The following SDK2 variants were observed in gnomAD, a reference collection of about 807,000 sequenced individuals.
The protein encoded by SDK2 is protein sidekick-2.
In SDK2, 105 loss-of-function variants were observed where a neutral mutation model predicts 253.9. The observed-to-expected ratio is 0.41, with a 90% CI of 0.35 to 0.49. The LOEUF (loss-of-function observed/expected upper bound fraction) is 0.49. Among genes scored for constraint, SDK2 ranks in the 20% least tolerant of loss-of-function variants. The pLI is 0.06. For missense variants in SDK2, 2,608 were observed against 3,003.0 expected, an observed-to-expected ratio of 0.87 and a Z score of 3.07; for synonymous variants, 1,249 against 1,234.9, an observed-to-expected ratio of 1.01 and a Z score of -0.24.
intron 38 of SDK2, 101 bp downstream of exon 38, chr17:73,365,157 A>T: frequency 1.2e-6 from 1 of 846,268 alleles, no homozygotes; most frequent in South Asian, 2.5e-5. Flanking sequence ...GGAGACTCTC[A>T]CCGAATCTCA....
At position 73,643,977 on chromosome 17, in the gene SDK2, C is replaced by A; in HGVS notation, c.64+48G>T. 1 of 1,200,508 alleles carries A rather than the reference C, an allele frequency of 8.3e-7. No individual in the cohort carries two copies. Among genetic ancestry groups the A allele is most frequent in the Non-Finnish European group, 1.2e-6 (1 of 835,600 alleles). The allele number at this position is 1,200,508 out of a possible 1,614,324, so 74.4% of individuals were successfully genotyped here. A position where few individuals can be genotyped will look rare whatever the true frequency, so the allele number is the denominator to read the frequency against. ...CCAGCTCCCGCCGCCCCTCCCCCGCCCACTCTCCCAGCCCCCTCCCTGTCC... is the reference window on the plus strand; with the variant it reads ...CCAGCTCCCGCCGCCCCTCCCCCGCACACTCTCCCAGCCCCCTCCCTGTCC... On this transcript the variant is annotated intron_variant, in intron 1 of 44. Transcript: ENST00000392650. The surrounding 1 kb of genome is among the most constrained non-coding windows in gnomAD (Gnocchi z 6.9).
At chr17:73,571,680 C>A (rs375164780) in intron 1 of SDK2, among the ~76,000 whole-genome samples, 1 of 152,240 alleles carries the variant, frequency 6.6e-6, no homozygotes, top group African/African-American at 2.4e-5. Context: ...ATGTGCCCAG[C>A]GGGGGCTACG....
intron 32 of SDK2, among the ~76,000 whole-genome samples, chr17:73,384,563 G>T (rs1459170051): frequency 6.6e-6 from 1 of 152,196 alleles, no homozygotes; most frequent in African/African-American, 2.4e-5. Context: ...CTGCAGAACC[G>T]GCTTCGGGAG....
At chr17:73,524,772 GGGATT>G (rs150064808) in intron 1 of SDK2, among the ~76,000 whole-genome samples, 1,690 of 152,338 alleles carry the variant, frequency 0.011, 32 homozygotes, top group African/African-American at 0.038. Context: ...TGTAGACCCT[GGGATT>G]GGAATGCCAA....
rs369000057 is a variant in SDK2 at position 73,455,587 on chromosome 17, G to A, written c.479+319C>T. Among the ~76,000 whole-genome samples the A allele has an allele frequency of 1.3e-5, 2 of 152,200 alleles. No individual in the cohort carries two copies. Among genetic ancestry groups the A allele is most frequent in the Admixed American group, 6.5e-5 (1 of 15,284 alleles). On this transcript the variant is annotated intron_variant, in intron 4 of 44. Transcript: ENST00000392650. The surrounding 1 kb of genome is among the most constrained non-coding windows in gnomAD (Gnocchi z 5.0). ...GCCTGAGTCCTGGGCCTGTAACCAC[G>A]GTGACAGCGCCTTCGTATATGCCTG...
At chr17:73,358,034 G>A (rs1568364296) in intron 40 of SDK2, 45 bp downstream of exon 40, 1 of 1,611,498 alleles carries the variant, frequency 6.2e-7, no homozygotes, top group South Asian at 1.1e-5. Flanking sequence ...AGGAAGAAGG[G>A]AGATAATGAG....
intron 1 of SDK2, chr17:73,519,957 C>T (rs12453319): frequency 0.26 from 40,258 of 152,206 alleles, 6,567 homozygotes; most frequent in South Asian, 0.38. Context: ...TTCAATTTGC[C>T]GTCCATCCTG....
At chr17:73,587,717 C>T (rs1297317171) in intron 1 of SDK2, among the ~76,000 whole-genome samples, 1 of 152,224 alleles carries the variant, frequency 6.6e-6, no homozygotes, top group African/African-American at 2.4e-5. Flanking sequence ...GCAAACAGCC[C>T]TCTTTGTGCC....
intron 1 of SDK2, among the ~76,000 whole-genome samples, chr17:73,611,459 C>G (rs71380188): frequency 0.018 from 2,805 of 152,334 alleles, 46 homozygotes; most frequent in Non-Finnish European, 0.028. Flanking sequence ...CCTCTGTGGC[C>G]CCTCCTTGCT....
chr17:73,603,673 CT>C (rs1376970368), intron 1 of SDK2, among the ~76,000 whole-genome samples: 1 of 152,226 alleles, frequency 6.6e-6, no homozygotes, highest in African/African-American at 2.4e-5. Flanking sequence ...ATAGCTTCTC[CT>C]TAAAGCTACG....
intron 1 of SDK2, among the ~76,000 whole-genome samples, chr17:73,589,244 G>A (rs746280735): frequency 2.6e-5 from 4 of 152,274 alleles, no homozygotes; most frequent in Non-Finnish European, 4.4e-5. Context: ...ATGAATGCAC[G>A]TGAGTGCAGG....
chr17:73,601,602 T>C (rs2143058638), intron 1 of SDK2, among the ~76,000 whole-genome samples: 1 of 152,158 alleles, frequency 6.6e-6, no homozygotes, highest in Non-Finnish European at 1.5e-5. Context: ...GAGTGAGGCA[T>C]CTCTCGGCTA....
At chr17:73,373,028 C>T (rs546250027) in intron 36 of SDK2, among the ~76,000 whole-genome samples, 157 of 152,304 alleles carry the variant, frequency 1.0e-3, no homozygotes, top group African/African-American at 3.7e-3. Context: ...TCCCTATTTC[C>T]CTCACTCCCT....
intron 3 of SDK2, among the ~76,000 whole-genome samples, chr17:73,469,980 C>CTGCGCG (rs796918538): frequency 2.2e-3 from 194 of 87,688 alleles, no homozygotes; most frequent in African/African-American, 6.6e-3. Flanking sequence ...GCATTTGCGA[C>CTGCGCG]TGCGCGCGCG....
rs747535623 is a variant in SDK2 at position 73,338,922 on chromosome 17, C to T, written c.6184G>A (p.Glu2062Lys). 7 of 1,613,844 alleles carry T rather than the reference C, an allele frequency of 4.3e-6. No individual in the cohort carries two copies. In the African/African-American group the frequency reaches 5.3e-5, roughly 12 times the overall value. The stretch of plus-strand genomic sequence containing the variant: ...GCCTTCTGGTGGTTTGAGTCGACCT[C>T]GTACTCGCTGTCACTTCCCTGGGAG... ...SDSQGSDSEY[E>K]VDSNHQKAHS... The change falls in exon 45 of 45, where the codon GAG (glutamate) becomes AAG (lysine). Residue 2062 changes from glutamate (E) to lysine (K), a missense_variant. By Grantham distance (56) the Glu-to-Lys change is moderately conservative. Transcript: ENST00000392650. The surrounding 1 kb of genome is among the most constrained non-coding windows in gnomAD (Gnocchi z 5.0).
rs36056347 is a variant in SDK2 at position 73,639,490 on chromosome 17, C to T, written c.64+4535G>A. On this transcript the variant is annotated intron_variant, in intron 1 of 44. Transcript: ENST00000392650. This position sits in a 1 kb window ranked among gnomAD's most constrained non-coding sequence, Gnocchi z 4.3. ...AACCAGCTTGTTTTCCTTTCCATTA[C>T]AGGCAGTGGGCTGCAGCCGCCAGTT... 0.01 allele frequency among the ~76,000 whole-genome samples: 1,525 copies of T among 152,324 alleles called. 12 individuals are homozygous for T. Among genetic ancestry groups the T allele is most frequent in the Non-Finnish European group, 0.017 (1,127 of 68,022 alleles).
At chr17:73,539,109 A>C (rs2044825210) in intron 1 of SDK2, among the ~76,000 whole-genome samples, 1 of 152,156 alleles carries the variant, frequency 6.6e-6, no homozygotes, top group Admixed American at 6.5e-5. Flanking sequence ...GCCCTGCCTC[A>C]GTTCCTTAGA....
At chr17:73,601,021 AAT>A (rs993759517) in intron 1 of SDK2, among the ~76,000 whole-genome samples, 60 of 151,606 alleles carry the variant, frequency 4.0e-4, no homozygotes, top group African/African-American at 1.4e-3. Flanking sequence ...TTTAAAAAAA[AAT>A]TTTTTTTTTT....
chr17:73,483,306 A>G (rs1327779712), intron 2 of SDK2, among the ~76,000 whole-genome samples: 1 of 136,952 alleles, frequency 7.3e-6, no homozygotes, highest in African/African-American at 2.7e-5. Flanking sequence ...ACAAGACAGA[A>G]CTTTTTTTTT....
Sources: gnomAD v4.1 joint callset for allele counts (sites outside exome capture counted in the v4.1 genomes callset) on GRCh38, gnomAD v4.1.1 for gene constraint, Gnocchi (gnomAD v3.1) non-coding constraint, MANE v1.5 for transcripts, NCBI Gene and HGNC (gene_info 2026-07-23, HGNC 2026-07-21) for gene names.